Variants in MRE11 observed in about 807,000 individuals in gnomAD.
MRE11 encodes MRE11 double strand break repair nuclease, also known as double-strand break repair protein MRE11.
Under a neutral mutation model 91.7 loss-of-function variants are expected in MRE11, and 62 were observed. The observed-to-expected ratio is 0.68, with a 90% CI of 0.55 to 0.84. The LOEUF is 0.84. Among genes scored for constraint, MRE11 ranks in the 40% least tolerant of loss-of-function variants. MRE11 has a pLI of 0.00. For synonymous variants in MRE11, 273 were observed against 271.4 expected (o/e 1.01, Z -0.06); for missense variants, 796 against 852.9 (o/e 0.93, Z 0.83).
intron 19 of MRE11, among the ~76,000 whole-genome samples, chr11:94,421,512 C>A (rs1393755711): frequency 6.6e-6 from 1 of 152,188 alleles, no homozygotes; most frequent in Non-Finnish European, 1.5e-5. Flanking sequence ...AACTAGTATA[C>A]AAATTTTTAA....
the MRE11 span, among the ~76,000 whole-genome samples, chr11:94,507,175 T>C: frequency 5.3e-5 from 8 of 152,196 alleles, no homozygotes; most frequent in African/African-American, 1.9e-4. Flanking sequence ...AACTATAATC[T>C]AACTTTTATT....
At chr11:94,444,319 A>G (rs1945868095) in intron 16 of MRE11, among the ~76,000 whole-genome samples, 1 of 152,164 alleles carries the variant, frequency 6.6e-6, no homozygotes, top group Non-Finnish European at 1.5e-5. Flanking sequence ...TGTTATGGCC[A>G]ATTTAGTACA....
At chr11:94,512,369 CCTT>C in the MRE11 span, 1 of 619,340 alleles carries the variant, frequency 1.6e-6, no homozygotes, top group Non-Finnish European at 2.3e-6. Context: ...AACTTCAGCA[CCTT>C]CTTTGGTGCG....
chr11:94,421,504 C>T (rs477270), intron 19 of MRE11, among the ~76,000 whole-genome samples: 67 of 152,294 alleles, frequency 4.4e-4, no homozygotes, highest in Non-Finnish European at 8.1e-4. Context: ...TTAACATGAA[C>T]TAGTATACAA....
In MRE11 at chr11:94,490,789, C is replaced by G. The variant is rs1274788234; in HGVS notation, c.153+44G>C. On this transcript the variant is annotated intron_variant, in intron 3 of 19. Transcript: ENST00000323929. The stretch of plus-strand genomic sequence containing the variant: ...TTAGAAGGAAAAATAACTTGTTAAC[C>G]AAGGGAATATGGTAGATAGTGCACA... 2.5e-6 allele frequency: 4 copies of G among 1,608,206 alleles called. No homozygotes were observed. The African/African-American group carries it at 5.3e-5, about 22-fold the overall frequency.
chr11:94,476,182 T>C lies in MRE11; in HGVS notation c.659+107A>G, dbSNP rs13447623. ...AATCTATGTTTTGTCTGATCTTGCA[T>C]TGACAACCTTGAAAGATTAAGGGCA... is the stretch of plus-strand genomic sequence containing the variant. On this transcript the variant is annotated intron_variant, in intron 7 of 19. Transcript: ENST00000323929. 156,285 of 723,086 alleles carry C rather than the reference T, an allele frequency of 0.22. 18,006 individuals are homozygous for C. Among genetic ancestry groups the C allele is most frequent in the Non-Finnish European group, 0.25 (100,171 of 404,254 alleles). 44.8% of individuals were successfully genotyped at this position (723,086 alleles called of 1,614,324 possible). A position where few individuals can be genotyped will look rare whatever the true frequency, so the allele number is the denominator to read the frequency against.
chr11:94,452,932 T>C (rs1179642118), intron 14 of MRE11, among the ~76,000 whole-genome samples: 8 of 152,154 alleles, frequency 5.3e-5, no homozygotes, highest in Admixed American at 1.3e-4. Context: ...CATCCATCTA[T>C]AGAACTTTCT....
intron 11 of MRE11, 32 bp downstream of exon 11, chr11:94,464,081 A>AT (rs770703449): frequency 6.9e-6 from 11 of 1,602,484 alleles, no homozygotes; most frequent in Non-Finnish European, 7.7e-6. Context: ...CTATAAGAAC[A>AT]TTTTTTTACC....
intron 3 of MRE11, among the ~76,000 whole-genome samples, chr11:94,486,903 T>C (rs1419410014): frequency 1.3e-5 from 2 of 152,204 alleles, no homozygotes. Flanking sequence ...ACGTATACGA[T>C]GCACCTAAAG....
At chr11:94,476,169 G>A (rs917172559) in intron 7 of MRE11, 120 bp downstream of exon 7, 1 of 677,506 alleles carries the variant, frequency 1.5e-6, no homozygotes, top group Admixed American at 2.5e-5. Flanking sequence ...TCTATGTTTT[G>A]TCTGATCTTG....
chr11:94,496,896 A>T (rs771617994), upstream of MRE11: 2 of 1,613,932 alleles, frequency 1.2e-6, no homozygotes, highest in Non-Finnish European at 1.7e-6. Flanking sequence ...TTGCAAGAAA[A>T]AAAAATGGAA....
chr11:94,489,475 T>C (rs1419514393), intron 3 of MRE11, among the ~76,000 whole-genome samples: 2 of 152,174 alleles, frequency 1.3e-5, no homozygotes, highest in African/African-American at 2.4e-5. Context: ...TGATCTGATT[T>C]ATTATTTTAA....
At chr11:94,468,270 C>T (rs532142188) in intron 9 of MRE11, among the ~76,000 whole-genome samples, 2 of 152,216 alleles carry the variant, frequency 1.3e-5, no homozygotes, top group Admixed American at 6.5e-5. Context: ...TAAGCAAGGA[C>T]TTTAGATTAT....
At chr11:94,486,342 T>C (rs1008002829) in intron 3 of MRE11, among the ~76,000 whole-genome samples, 1 of 152,232 alleles carries the variant, frequency 6.6e-6, no homozygotes, top group African/African-American at 2.4e-5. Context: ...GGTGATCATA[T>C]TTTTTCTATT....
chr11:94,486,740 C>T (rs116276441), intron 3 of MRE11, among the ~76,000 whole-genome samples: 2 of 152,180 alleles, frequency 1.3e-5, no homozygotes, highest in Non-Finnish European at 2.9e-5. Context: ...GAGGACAATT[C>T]GCCTGAGGAC....
intron 7 of MRE11, among the ~76,000 whole-genome samples, chr11:94,472,338 CAAG>C (rs1946739611): frequency 6.6e-6 from 1 of 151,988 alleles, no homozygotes; most frequent in African/African-American, 2.4e-5. Flanking sequence ...TGATAGAAGA[CAAG>C]AAGGAATAGT....
At position 94,459,507 on chromosome 11, in the gene MRE11, T is replaced by A. The variant is rs1452764894; in HGVS notation, c.1401A>T (p.Lys467Asn). The change falls in exon 13 of 20, where the codon AAA becomes AAT. Residue 467 changes from lysine to asparagine, a missense_variant. Physicochemically the swap from Lys to Asn is moderately conservative, Grantham distance 94. Transcript: ENST00000323929. ...ATTTCACTAATTCCTCAATGGCATC[T>A]TTCTCCTCCTTGTCCACAAATTCTT... Reference protein sequence around the residue: ...AVQEFVDKEEKDAIEELVKYQ... With the variant: ...AVQEFVDKEENDAIEELVKYQ... 1 of 1,614,108 alleles carries A rather than the reference T, an allele frequency of 6.2e-7. No individual in the cohort carries two copies. The highest frequency in any genetic ancestry group is 1.1e-5 in the South Asian group (1 of 91,086).
In MRE11 at chr11:94,471,699, A is replaced by G. The variant is rs752065102; in HGVS notation, c.720T>C (p.Leu240=). 2 of 1,612,716 alleles carry G rather than the reference A, an allele frequency of 1.2e-6. No homozygotes were observed. Among genetic ancestry groups the G allele is most frequent in the Non-Finnish European group, 8.5e-7 (1 of 1,179,104 alleles). ...PEQFLDDFID[L]VIWGHEHECK... ...ACTCATGTTCATGGCCCCAGATAAC[A>G]AGATCAATGAAGTCATCCAAAAATT... Residue 240 remains leucine, a synonymous_variant, in exon 8 of 20, where the codon CTT becomes CTC. Transcript: ENST00000323929.
At chr11:94,506,760 T>C in the MRE11 span, among the ~76,000 whole-genome samples, 1 of 152,034 alleles carries the variant, frequency 6.6e-6, no homozygotes, top group Admixed American at 6.5e-5. Context: ...GCTAATTTTT[T>C]AATTTTTCTT....
Sources: gnomAD v4.1 joint callset for allele counts (sites outside exome capture counted in the v4.1 genomes callset) on GRCh38, gnomAD v4.1.1 for gene constraint, MANE v1.5 for transcripts, NCBI Gene and HGNC (gene_info 2026-07-23, HGNC 2026-07-21) for gene names.